SGCZ: variants seen among roughly 807,000 people sequenced by gnomAD.
SGCZ encodes the protein sarcoglycan zeta.
Under a neutral mutation model 41.3 loss-of-function variants are expected in SGCZ, and 40 were observed. The observed-to-expected ratio is 0.97, with a 90% CI of 0.75 to 1.26. The LOEUF (loss-of-function observed/expected upper bound fraction) is 1.26. Ranked by LOEUF, SGCZ falls within the 50% of genes most tolerant of loss-of-function variation. The pLI is 0.00. For missense variants in SGCZ, 552 were observed against 369.8 expected, an observed-to-expected ratio of 1.49 and a Z score of -4.04; for synonymous variants, 206 against 137.5, an observed-to-expected ratio of 1.50 and a Z score of -3.49.
rs113628865 is a variant in SGCZ, at chr8:14,380,538, G to C, written c.235-56334C>G. ...TTTTACTCTCATCTAAGAAATACAG[G>C]CATCAAAGTTCAAATAAAGAATTGT... On this transcript the variant is annotated intron_variant, in intron 2 of 7. Coordinates refer to ENST00000382080, the MANE Select transcript of SGCZ (RefSeq NM_139167.4). Among the ~76,000 whole-genome samples the C allele has an allele frequency of 4.6e-5, 7 of 152,142 alleles. 1 individual carries two copies. The highest frequency in any genetic ancestry group is 1.7e-4 in the African/African-American group (7 of 41,512).
At chr8:14,287,307 C>T (rs890541) in intron 3 of SGCZ, among the ~76,000 whole-genome samples, 1 of 151,602 alleles carries the variant, frequency 6.6e-6, no homozygotes, top group African/African-American at 2.4e-5. Flanking sequence ...CAATGTCATA[C>T]TGGGTGTTAT....
intron 1 of SGCZ, among the ~76,000 whole-genome samples, chr8:14,691,823 A>C (rs564831438): frequency 2.6e-4 from 40 of 152,140 alleles, no homozygotes; most frequent in Middle Eastern, 3.5e-3. Context: ...ATCAAACTTA[A>C]TATAAGAAAA....
intron 2 of SGCZ, among the ~76,000 whole-genome samples, chr8:14,463,399 G>C (rs1396127357): frequency 7.7e-6 from 1 of 130,102 alleles, no homozygotes; most frequent in Non-Finnish European, 1.7e-5. Flanking sequence ...TTTTTAACAA[G>C]TGGTGTAAAA....
At chr8:14,693,091 A>T (rs1808849038) in intron 1 of SGCZ, among the ~76,000 whole-genome samples, 1 of 152,204 alleles carries the variant, frequency 6.6e-6, no homozygotes, top group Non-Finnish European at 1.5e-5. Flanking sequence ...ATAAAAAATT[A>T]AAAAGACACA....
intron 1 of SGCZ, among the ~76,000 whole-genome samples, chr8:14,770,693 T>C (rs536043372): frequency 2.0e-4 from 30 of 152,260 alleles, no homozygotes; most frequent in Non-Finnish European, 3.5e-4. Flanking sequence ...CTGTATAGTA[T>C]GCCATAAAGT....
chr8:15,070,866 T>A (rs1024854815), intron 1 of SGCZ, among the ~76,000 whole-genome samples: 1 of 152,276 alleles, frequency 6.6e-6, no homozygotes. Flanking sequence ...ATAGAAACAC[T>A]GAGGTGTTCA....
chr8:14,556,619 C>A (rs957173956), intron 1 of SGCZ, among the ~76,000 whole-genome samples: 7 of 151,944 alleles, frequency 4.6e-5, no homozygotes, highest in African/African-American at 1.4e-4. Flanking sequence ...TGCCCAAAGT[C>A]CATTGTGTCA....
At chr8:14,869,439 C>G (rs1804061971) in intron 1 of SGCZ, among the ~76,000 whole-genome samples, 1 of 152,110 alleles carries the variant, frequency 6.6e-6, no homozygotes, top group African/African-American at 2.4e-5. Context: ...GAACATATCT[C>G]AAAATAATAA....
chr8:15,165,261 G>A lies in SGCZ; in HGVS notation c.39+72324C>T, dbSNP rs182646421. 9.2e-5 allele frequency among the ~76,000 whole-genome samples: 14 copies of A among 152,272 alleles called. No individual in the cohort carries two copies. In the East Asian group the frequency reaches 2.5e-3, roughly 27 times the overall value. On this transcript the variant is annotated intron_variant, in intron 1 of 7. Transcript: ENST00000382080. Reference sequence around the variant, plus strand: ...GAGATCACGCCACTGCTGCACTCCAGCCTGGGACAGAGCGAGACTCTGTCC... The same window carrying A: ...GAGATCACGCCACTGCTGCACTCCAACCTGGGACAGAGCGAGACTCTGTCC...
intron 1 of SGCZ, among the ~76,000 whole-genome samples, chr8:14,668,945 T>C (rs1468960277): frequency 2.0e-5 from 3 of 152,016 alleles, no homozygotes; most frequent in African/African-American, 7.3e-5. Context: ...TATGTGTGTG[T>C]GTGTTTGTGG....
At chr8:14,796,099 T>C (rs375833326) in intron 1 of SGCZ, among the ~76,000 whole-genome samples, 82 of 152,346 alleles carry the variant, frequency 5.4e-4, no homozygotes, top group Admixed American at 1.6e-3. Context: ...GTTGATTCCT[T>C]GTCTTTGCTA....
At chr8:14,840,847 T>C (rs1802879412) in intron 1 of SGCZ, among the ~76,000 whole-genome samples, 1 of 152,140 alleles carries the variant, frequency 6.6e-6, no homozygotes, top group African/African-American at 2.4e-5. Context: ...TCAGATTCAT[T>C]GATGTATAAC....
chr8:14,862,810 T>G (rs995446341), intron 1 of SGCZ, among the ~76,000 whole-genome samples: 1 of 151,678 alleles, frequency 6.6e-6, no homozygotes, highest in African/African-American at 2.4e-5. Context: ...TGCTTTCCCC[T>G]CTAGACACAG....
chr8:14,487,714 G>A (rs1261077314), intron 2 of SGCZ: 1 of 152,190 alleles, frequency 6.6e-6, no homozygotes, highest in Non-Finnish European at 1.5e-5. Flanking sequence ...AGTAATCTCA[G>A]AATTACTAAT....
At chr8:14,866,025 T>C (rs1803918540) in intron 1 of SGCZ, among the ~76,000 whole-genome samples, 1 of 152,074 alleles carries the variant, frequency 6.6e-6, no homozygotes, top group South Asian at 2.1e-4. Context: ...TTAGTTTTGA[T>C]TTTTTTATAG....
At chr8:14,310,074 G>A (rs1435389647) in intron 3 of SGCZ, among the ~76,000 whole-genome samples, 1 of 152,088 alleles carries the variant, frequency 6.6e-6, no homozygotes, top group Admixed American at 6.6e-5. Flanking sequence ...GTATGCAGGA[G>A]CATATTTTGC....
At chr8:15,184,653 C>T (rs529676432) in intron 1 of SGCZ, among the ~76,000 whole-genome samples, 2 of 152,256 alleles carry the variant, frequency 1.3e-5, no homozygotes, top group South Asian at 2.1e-4. Flanking sequence ...GAAGAGAGAG[C>T]AGGCGATTTC....
rs140337448 is a variant in SGCZ at position 14,796,624 on chromosome 8, C to A, written c.40-241698G>T. On this transcript the variant is annotated intron_variant, in intron 1 of 7. Transcript: ENST00000382080. ...TCGGAATCTGGTACCTTAAACCACT[C>A]AGCCCTCCTGACACTCTCTACTTAT... is the stretch of plus-strand genomic sequence containing the variant. Among the ~76,000 whole-genome samples, 124 of 152,258 alleles carry A rather than the reference C, an allele frequency of 8.1e-4. 2 individuals are homozygous for A. In the East Asian group the frequency reaches 0.022, roughly 27 times the overall value.
At chr8:15,215,177 C>T (rs1335646475) in intron 1 of SGCZ, among the ~76,000 whole-genome samples, 1 of 152,056 alleles carries the variant, frequency 6.6e-6, no homozygotes, top group Non-Finnish European at 1.5e-5. Flanking sequence ...CTGTGGCATC[C>T]TGTGGCATTA....
Sources: gnomAD v4.1 joint callset for allele counts (sites outside exome capture counted in the v4.1 genomes callset) on GRCh38, gnomAD v4.1.1 for gene constraint, MANE v1.5 for transcripts, NCBI Gene and HGNC (gene_info 2026-07-23, HGNC 2026-07-21) for gene names.